The following PARD3 variants were observed in gnomAD, a reference collection of about 807,000 sequenced individuals.
PARD3 encodes the protein partitioning defective 3 homolog.
Under a neutral mutation model 155.4 loss-of-function variants are expected in PARD3, and 75 were observed. The ratio of observed to expected loss-of-function variants is 0.48; its 90% CI spans 0.40 to 0.58. PARD3 has a LOEUF of 0.58. Ranked by LOEUF, PARD3 falls within the 20% of genes least tolerant of loss-of-function variation. The probability of loss-of-function intolerance (pLI) is 0.00; values close to 1 mark genes in which losing one functional copy is unlikely to be tolerated. For missense variants in PARD3, 1,642 were observed against 1,721.7 expected (o/e 0.95, Z 0.82); for synonymous variants, 576 against 610.5 (o/e 0.94, Z 0.83).
chr10:34,309,343 GAGGCCAGAAGT>G (rs1217640401), intron 20 of PARD3, among the ~76,000 whole-genome samples: 12 of 152,002 alleles, frequency 7.9e-5, no homozygotes, highest in Non-Finnish European at 1.6e-4. Context: ...AGGATTGCTT[GAGGCCAGAAGT>G]TTGAGACCAA....
intron 1 of PARD3, among the ~76,000 whole-genome samples, chr10:34,711,357 T>C (rs11009882): frequency 0.25 from 37,530 of 151,802 alleles, 5,534 homozygotes; most frequent in East Asian, 0.5. Flanking sequence ...CCACCTCTAC[T>C]AAAAATACAA....
chr10:34,456,540 C>T (rs978459524), intron 4 of PARD3, among the ~76,000 whole-genome samples: 5 of 152,216 alleles, frequency 3.3e-5, no homozygotes, highest in South Asian at 4.2e-4. Context: ...TCAGGCGATC[C>T]GCTCACCTCG....
chr10:34,232,157 C>T (rs1307717128), intron 22 of PARD3, among the ~76,000 whole-genome samples: 1 of 152,088 alleles, frequency 6.6e-6, no homozygotes, highest in Non-Finnish European at 1.5e-5. Context: ...CCAGATACCA[C>T]GTCTTATAGG....
chr10:34,118,216 C>G (rs1005148587), intron 24 of PARD3, among the ~76,000 whole-genome samples: 1 of 152,202 alleles, frequency 6.6e-6, no homozygotes, highest in African/African-American at 2.4e-5. Context: ...AAAAGAACAA[C>G]TGAATGAATA....
chr10:34,564,229 C>T (rs1489706565), intron 2 of PARD3, among the ~76,000 whole-genome samples: 2 of 152,180 alleles, frequency 1.3e-5, no homozygotes, highest in Non-Finnish European at 2.9e-5. Flanking sequence ...TTAACCATCT[C>T]CTGACAGAGA....
At chr10:34,707,649 C>T (rs748940926) in intron 1 of PARD3, among the ~76,000 whole-genome samples, 1 of 152,158 alleles carries the variant, frequency 6.6e-6, no homozygotes, top group African/African-American at 2.4e-5. Context: ...ATCCAAACTT[C>T]GGAAATCAAA....
At chr10:34,767,443 C>CA (rs1317479218) in intron 1 of PARD3, among the ~76,000 whole-genome samples, 1 of 151,426 alleles carries the variant, frequency 6.6e-6, no homozygotes, top group Non-Finnish European at 1.5e-5. Flanking sequence ...TATTAACTGG[C>CA]CCTCACAGAG....
In PARD3 at chr10:34,458,719, G is replaced by A. The variant is rs560878085; in HGVS notation, c.583-8271C>T. ...AGGAAATAGATGAGGGAAGTTTAAC[G>A]TTTATAAAAAATTACAAAAATGTTG... On this transcript the variant is annotated intron_variant, in intron 4 of 24. Transcript: ENST00000374788. Among the ~76,000 whole-genome samples, 8 of 152,256 alleles carry A rather than the reference G, an allele frequency of 5.3e-5. No homozygotes were observed. The South Asian group carries it at 8.3e-4, about 16-fold the overall frequency.
intron 2 of PARD3, among the ~76,000 whole-genome samples, chr10:34,524,925 T>C (rs969623829): frequency 6.6e-6 from 1 of 152,198 alleles, no homozygotes; most frequent in African/African-American, 2.4e-5. Context: ...TGCGATGATG[T>C]AGTAACTAAT....
chr10:34,372,989 GA>G (rs1255394348), intron 11 of PARD3, among the ~76,000 whole-genome samples: 2 of 151,798 alleles, frequency 1.3e-5, no homozygotes. Flanking sequence ...AAATAAACAT[GA>G]TTTTTTTTTC....
chr10:34,203,544 ATACTT>A (rs1564479167), intron 22 of PARD3, among the ~76,000 whole-genome samples: 1 of 152,222 alleles, frequency 6.6e-6, no homozygotes, highest in Non-Finnish European at 1.5e-5. Flanking sequence ...ATCCTCCTGT[ATACTT>A]TAAATCATCT....
intron 22 of PARD3, among the ~76,000 whole-genome samples, chr10:34,263,150 CAT>C (rs1024592565): frequency 6.6e-6 from 1 of 152,234 alleles, no homozygotes. Context: ...ATGCTGAAAG[CAT>C]ATGTGTTTTC....
chr10:34,762,205 T>G lies in PARD3; in HGVS notation c.120+52671A>C, dbSNP rs994594241. ...CCCTAAAACATTTATCAACCCACTT[T>G]ACTAAACAGTTTACTTTTTTGTGTG... On this transcript the variant is annotated intron_variant, in intron 1 of 24. Transcript: ENST00000374788. Among the ~76,000 whole-genome samples the G allele has an allele frequency of 3.9e-5, 6 of 152,170 alleles. No homozygotes were observed. In the East Asian group the frequency reaches 5.8e-4, roughly 15 times the overall value.
intron 23 of PARD3, among the ~76,000 whole-genome samples, chr10:34,122,585 C>A (rs1250062402): frequency 1.3e-5 from 2 of 152,144 alleles, no homozygotes; most frequent in African/African-American, 4.8e-5. Context: ...ATAGTTTACT[C>A]CATTTCTCTT....
intron 22 of PARD3, among the ~76,000 whole-genome samples, chr10:34,192,894 CTCTAAG>C (rs1950778759): frequency 6.6e-6 from 1 of 152,176 alleles, no homozygotes; most frequent in Admixed American, 6.5e-5. Flanking sequence ...ATGCCCGCCT[CTCTAAG>C]TCTGTTTTTG....
intron 2 of PARD3, among the ~76,000 whole-genome samples, chr10:34,563,923 T>TA (rs2085716134): frequency 6.6e-6 from 1 of 152,220 alleles, no homozygotes; most frequent in African/African-American, 2.4e-5. Flanking sequence ...TTTTCATAGA[T>TA]AAAATTCATA....
At position 34,614,022 on chromosome 10, in the gene PARD3, T is replaced by G. The variant is rs565582623; in HGVS notation, c.222+82296A>C. Among the ~76,000 whole-genome samples the G allele has an allele frequency of 4.6e-5, 7 of 152,258 alleles. No homozygotes were observed. In the East Asian group the frequency reaches 9.6e-4, roughly 21 times the overall value. On this transcript the variant is annotated intron_variant, in intron 2 of 24. Transcript: ENST00000374788. ...GGAAAAGTTTATAAACAGGGAAACA[T>G]GAGAACATGTATACTCATACATACA...
chr10:34,317,853 C>A (rs902442472), intron 19 of PARD3, among the ~76,000 whole-genome samples: 2 of 152,196 alleles, frequency 1.3e-5, no homozygotes, highest in African/African-American at 4.8e-5. Flanking sequence ...CCCAACATAT[C>A]CTGCTCACAC....
chr10:34,453,887 C>T lies in PARD3; in HGVS notation c.583-3439G>A, dbSNP rs182941434. Among the ~76,000 whole-genome samples, 15 of 152,316 alleles carry T rather than the reference C, an allele frequency of 9.8e-5. No homozygotes were observed. In the East Asian group the frequency reaches 2.9e-3, roughly 29 times the overall value. ...GCAAGGTCTGCACTTTTCCACTGCA[C>T]TTGAAGAATTTTACAATTTTATATT... is the stretch of plus-strand genomic sequence containing the variant. On this transcript the variant is annotated intron_variant, in intron 4 of 24. Coordinates refer to ENST00000374788, the MANE Select transcript of PARD3 (RefSeq NM_001184785.2).
Sources: gnomAD v4.1 joint callset for allele counts (sites outside exome capture counted in the v4.1 genomes callset) on GRCh38, gnomAD v4.1.1 for gene constraint, MANE v1.5 for transcripts, NCBI Gene and HGNC (gene_info 2026-07-23, HGNC 2026-07-21) for gene names.